Variants in VSIG10L2 observed in about 807,000 individuals in gnomAD.
The protein encoded by VSIG10L2 is V-set and immunoglobulin domain containing 10 like 2.
A neutral mutation model predicts 67.1 loss-of-function variants in VSIG10L2; 56 were observed. The observed-to-expected ratio is 0.83, with a 90% CI of 0.67 to 1.04. The LOEUF (loss-of-function observed/expected upper bound fraction) is 1.04. Ranked by LOEUF, VSIG10L2 falls within the 50% of genes least tolerant of loss-of-function variation. VSIG10L2 has a pLI of 0.00. For synonymous variants in VSIG10L2, 360 were observed against 396.6 expected, an observed-to-expected ratio of 0.91 and a Z score of 1.10; for missense variants, 843 against 932.8, an observed-to-expected ratio of 0.90 and a Z score of 1.25.
At chr11:125,949,461 T>C (rs1174583967) in intron 3 of VSIG10L2, among the ~76,000 whole-genome samples, 3 of 152,118 alleles carry the variant, frequency 2.0e-5, no homozygotes, top group Non-Finnish European at 4.4e-5. Flanking sequence ...TTGAGGCAGG[T>C]GAGCAGGAGA....
chr11:125,948,388 G>A lies in VSIG10L2; in HGVS notation c.517G>A (p.Glu173Lys), dbSNP rs1420922061. The part of the protein sequence containing the change: ...ASVVATCAVR[E>K]GTEPVTFAWQ... The stretch of plus-strand genomic sequence containing the variant: ...CGTGGTGGCCACGTGTGCAGTGCGG[G>A]AGGGCACAGAGCCCGTGACCTTTGC... Residue 173 changes from glutamate (E) to lysine (K), a missense_variant, in exon 3 of 12, where the codon GAG becomes AAG. Coordinates refer to ENST00000686984, the MANE Select transcript of VSIG10L2 (RefSeq NM_001365077.2). 4 of 1,232,294 alleles carry A rather than the reference G, an allele frequency of 3.2e-6. No individual in the cohort carries two copies. Among genetic ancestry groups the A allele is most frequent in the Non-Finnish European group, 4.0e-6 (4 of 988,162 alleles). 76.3% of individuals were successfully genotyped at this position (1,232,294 alleles called of 1,614,324 possible). A position where few individuals can be genotyped will look rare whatever the true frequency, so the allele number is the denominator to read the frequency against.
In VSIG10L2 at chr11:125,953,693, G is replaced by A; in HGVS notation, c.1786+3G>A. The A allele has an allele frequency of 1.3e-5, 16 of 1,232,304 alleles. No homozygotes were observed. The highest frequency in any genetic ancestry group is 1.6e-5 in the Non-Finnish European group (16 of 988,046). The allele number at this position is 1,232,304 out of a possible 1,614,324, so 76.3% of individuals were successfully genotyped here. A position where few individuals can be genotyped will look rare whatever the true frequency, so the allele number is the denominator to read the frequency against. ...GAGTGTGCTGCTGGAGGTCCTGAGT[G>A]AGTGAGGGGTTGAATGCGTGTGTGT... On this transcript the variant is annotated splice_donor_region_variant and intron_variant, in intron 7 of 11. Coordinates refer to ENST00000686984, the MANE Select transcript of VSIG10L2 (RefSeq NM_001365077.2).
At chr11:125,950,874 G>A in intron 4 of VSIG10L2, 36 bp from the exon 5 acceptor site, 1 of 1,232,572 alleles carries the variant, frequency 8.1e-7, no homozygotes, top group Non-Finnish European at 1.0e-6. Context: ...CACTGGCAGT[G>A]GAGCCTGCTC....
Position 125,947,828 on chromosome 11 carries a change from G to A in VSIG10L2, c.225G>A (p.Leu75=). The A allele has an allele frequency of 8.1e-7, 1 of 1,232,514 alleles. No individual in the cohort carries two copies. The highest frequency in any genetic ancestry group is 1.0e-6 in the Non-Finnish European group (1 of 988,252). 76.3% of individuals were successfully genotyped at this position (1,232,514 alleles called of 1,614,324 possible). A position where few individuals can be genotyped will look rare whatever the true frequency, so the allele number is the denominator to read the frequency against. The change falls in exon 2 of 12, where the codon CTG becomes CTA. Residue 75 remains leucine, a synonymous_variant. Transcript: ENST00000686984. The stretch of plus-strand genomic sequence containing the variant: ...GGAGCTTCACCCCCCTGGGCTCCCT[G>A]GTTCCCCGGCCTGTGGCCGTCACCG... ...VLWSFTPLGS[L]VPRPVAVTDG...
chr11:125,954,005 CTT>C (rs2134307596), intron 7 of VSIG10L2, 80 bp from the exon 8 acceptor site: 5 of 1,167,228 alleles, frequency 4.3e-6, no homozygotes, highest in Non-Finnish European at 5.4e-6. Flanking sequence ...CAGGCTGTCT[CTT>C]GACAGGAGCA....
At chr11:125,955,321 G>A (rs1223811618) in intron 9 of VSIG10L2, 142 bp downstream of exon 9, 11 of 1,289,368 alleles carry the variant, frequency 8.5e-6, no homozygotes, top group Non-Finnish European at 1.1e-5. Context: ...AGTGCTAGAT[G>A]TTGCCATGCA....
Position 125,954,237 on chromosome 11 carries a change from G to A in VSIG10L2, c.1937G>A (p.Gly646Glu), listed in dbSNP as rs1945419526. Reference sequence around the variant, plus strand: ...GCCAGTGCCCTGGGCCCAGGAGCTGGGGCGTGGGAGACAGCAGCTAGTGAC... The same window carrying A: ...GCCAGTGCCCTGGGCCCAGGAGCTGAGGCGTGGGAGACAGCAGCTAGTGAC... The part of the protein sequence containing the change: ...RKASALGPGA[G>E]AWETAASDIE... The change falls in exon 8 of 12, where the codon GGG (glycine) becomes GAG (glutamate). Residue 646 changes from glycine (G) to glutamate (E), a missense_variant. By Grantham distance (98) the Gly-to-Glu change is moderately conservative. Coordinates refer to ENST00000686984, the MANE Select transcript of VSIG10L2 (RefSeq NM_001365077.2). 8.1e-7 allele frequency: 1 copy of A among 1,232,122 alleles called. No individual in the cohort carries two copies. Among genetic ancestry groups the A allele is most frequent in the Admixed American group, 4.2e-5 (1 of 23,700 alleles). 76.3% of individuals were successfully genotyped at this position (1,232,122 alleles called of 1,614,324 possible).
chr11:125,949,932 G>A (rs933936290), intron 3 of VSIG10L2, 82 bp from the exon 4 acceptor site: 15 of 1,206,914 alleles, frequency 1.2e-5, no homozygotes, highest in Middle Eastern at 3.2e-4. Context: ...CCCTAGGATG[G>A]ATGCATACAT....
rs992157155 is a variant in VSIG10L2, at chr11:125,952,188, C to T, written c.1495+115C>T. 135 of 1,347,894 alleles carry T rather than the reference C, an allele frequency of 1.0e-4. 2 individuals are homozygous for T. The highest frequency in any genetic ancestry group is 1.0e-3 in the South Asian group (63 of 63,052). 83.5% of individuals were successfully genotyped at this position (1,347,894 alleles called of 1,614,324 possible). On this transcript the variant is annotated intron_variant, in intron 6 of 11. Coordinates refer to ENST00000686984, the MANE Select transcript of VSIG10L2 (RefSeq NM_001365077.2). ...TGCTGGCATGGAAAGTGAGTCAGTG[C>T]GGACGGGGAAGCTAGGAGGTAGTTA...
chr11:125,950,313 C>A (rs1386599174), intron 4 of VSIG10L2, 24 bp downstream of exon 4: 5 of 1,232,318 alleles, frequency 4.1e-6, no homozygotes, highest in Non-Finnish European at 1.0e-6. Flanking sequence ...TCGGGTGACG[C>A]CCAGACCTGT....
intron 3 of VSIG10L2, 34 bp downstream of exon 3, chr11:125,948,614 C>A (rs1591528779): frequency 1.6e-6 from 2 of 1,231,816 alleles, no homozygotes; most frequent in East Asian, 6.3e-5. Flanking sequence ...GCTGTCAGGG[C>A]TGACACCCAT....
chr11:125,948,394 AC>A lies in VSIG10L2; in HGVS notation c.524del (p.Thr175LysfsTer4). ...GGCCACGTGTGCAGTGCGGGAGGGC[AC>A]AGAGCCCGTGACCTTTGCCTGGCAG... ...VVATCAVREG[T>X]EPVTFAWQHR... On this transcript the variant is annotated frameshift_variant, in exon 3 of 12. Coordinates refer to ENST00000686984, the MANE Select transcript of VSIG10L2 (RefSeq NM_001365077.2). LOFTEE classifies it high-confidence loss of function. 8.1e-7 allele frequency: 1 copy of A among 1,232,356 alleles called. No homozygotes were observed. Among genetic ancestry groups the A allele is most frequent in the Non-Finnish European group, 1.0e-6 (1 of 988,116 alleles). The allele number at this position is 1,232,356 out of a possible 1,614,324, so 76.3% of individuals were successfully genotyped here. A position where few individuals can be genotyped will look rare whatever the true frequency, so the allele number is the denominator to read the frequency against.
chr11:125,949,979 C>T, intron 3 of VSIG10L2, 35 bp from the exon 4 acceptor site: 1 of 1,232,246 alleles, frequency 8.1e-7, no homozygotes, highest in Non-Finnish European at 1.0e-6. Flanking sequence ...AGGAATGAAG[C>T]TGGGGAGGTG....
Position 125,950,989 on chromosome 11 carries a change from G to A in VSIG10L2, c.1065G>A (p.Gly355=). 2 of 1,232,390 alleles carry A rather than the reference G, an allele frequency of 1.6e-6. No individual in the cohort carries two copies. Among genetic ancestry groups the A allele is most frequent in the Non-Finnish European group, 2.0e-6 (2 of 988,168 alleles). The allele number at this position is 1,232,390 out of a possible 1,614,324, so 76.3% of individuals were successfully genotyped here. The change falls in exon 5 of 12, where the codon GGG becomes GGA. Residue 355 remains glycine, a synonymous_variant. Coordinates refer to ENST00000686984, the MANE Select transcript of VSIG10L2 (RefSeq NM_001365077.2). ...CCCTGCTCTGTGCCTGGCCTGGGGG[G>A]CTTCCGCCTGCCCAACTGCAGTGGG... ...AVTLLCAWPG[G]LPPAQLQWEG... is the part of the protein sequence containing the mutation.
In VSIG10L2 at chr11:125,955,654, T is replaced by C. The variant is rs1282126639; in HGVS notation, c.2271T>C (p.Ala757=). The change falls in exon 11 of 12, where the codon GCT becomes GCC. Residue 757 remains alanine (A), a synonymous_variant. Transcript: ENST00000686984. ...AACAGAGGGGTTCCAGAGAAGATGC[T>C]GAGGCACCGGCAGGTAAGCACCTTA... ...RHQQRGSRED[A]EAPAGLETPT... is the part of the protein sequence containing the mutation. 1 of 1,532,788 alleles carries C rather than the reference T, an allele frequency of 6.5e-7. No individual in the cohort carries two copies. The highest frequency in any genetic ancestry group is 8.7e-7 in the Non-Finnish European group (1 of 1,145,384). The allele number at this position is 1,532,788 out of a possible 1,614,324, so 94.9% of individuals were successfully genotyped here. A position where few individuals can be genotyped will look rare whatever the true frequency, so the allele number is the denominator to read the frequency against.
intron 5 of VSIG10L2, 23 bp downstream of exon 5, chr11:125,951,181 A>C: frequency 8.1e-7 from 1 of 1,232,714 alleles, no homozygotes; most frequent in Non-Finnish European, 1.0e-6. Context: ...AGGAAACCCC[A>C]GGGCTCTGAC....
At chr11:125,951,457 C>T (rs904015523) in intron 5 of VSIG10L2, among the ~76,000 whole-genome samples, 1 of 152,218 alleles carries the variant, frequency 6.6e-6, no homozygotes, top group Non-Finnish European at 1.5e-5. Context: ...ACCGCTCTGA[C>T]GCATGTTGGG....
chr11:125,950,190 G>T lies in VSIG10L2; in HGVS notation c.886G>T (p.Ala296Ser). Residue 296 changes from alanine to serine, a missense_variant, in exon 4 of 12, where the codon GCC (alanine) becomes TCC (serine). By Grantham distance (99) the Ala-to-Ser change is moderately conservative. Transcript: ENST00000686984. ...CCACACGGGGCCTACCTATGTCATC[G>T]CCAGAGCTGGCCGTGTCCACACAGG... Reference protein sequence around the residue: ...QVHTGPTYVIARAGRVHTGLY... With the variant: ...QVHTGPTYVISRAGRVHTGLY... The T allele has an allele frequency of 8.1e-7, 1 of 1,232,318 alleles. No homozygotes were observed. 76.3% of individuals were successfully genotyped at this position (1,232,318 alleles called of 1,614,324 possible).
Position 125,951,915 on chromosome 11 carries a change from T to C in VSIG10L2, c.1337T>C (p.Leu446Pro), listed in dbSNP as rs1019218370. 7.2e-6 allele frequency: 11 copies of C among 1,535,140 alleles called. No homozygotes were observed. The highest frequency in any genetic ancestry group is 5.9e-5 in the South Asian group (5 of 84,042). ...EWPGGEPPAT[L>P]GWLDEQQQPL... ...CCTGGCGGCGAGCCCCCTGCCACGC[T>C]GGGCTGGCTTGACGAACAGCAGCAG... The change falls in exon 6 of 12, where the codon CTG (leucine) becomes CCG (proline). Residue 446 changes from leucine to proline, a missense_variant. Around this residue, in one of 2 missense-constraint regions of VSIG10L2, gnomAD observed 446 missense variants for 548.4 expected, o/e 0.81. Transcript: ENST00000686984.
Sources: allele counts gnomAD v4.1 joint callset (sites outside exome capture counted in the v4.1 genomes callset), GRCh38; gene constraint gnomAD v4.1.1; regional missense constraint gnomAD v4.1.1; transcripts MANE v1.5; gene names NCBI Gene and HGNC (gene_info 2026-07-23, HGNC 2026-07-21).